The following MYT1L variants were observed in gnomAD, a reference collection of about 807,000 sequenced individuals.
MYT1L encodes the protein myelin transcription factor 1-like protein.
MYT1L carries 12 observed loss-of-function variants against 126.7 expected under a neutral mutation model. The ratio of observed to expected loss-of-function variants is 0.09; its 90% CI spans 0.06 to 0.15. The LOEUF (loss-of-function observed/expected upper bound fraction) is 0.15, where lower values mean the gene tolerates loss of function less well. Among genes scored for constraint, MYT1L ranks in the 10% least tolerant of loss-of-function variants. The pLI is 1.00. For missense variants in MYT1L, 979 were observed against 1,585.2 expected, an observed-to-expected ratio of 0.62 and a Z score of 6.49; for synonymous variants, 541 against 604.2, an observed-to-expected ratio of 0.90 and a Z score of 1.53.
chr2:2,306,811 A>G (rs1299241870), intron 1 of MYT1L, among the ~76,000 whole-genome samples: 1 of 152,204 alleles, frequency 6.6e-6, no homozygotes, highest in Admixed American at 6.5e-5. Context: ...AACATTTCTG[A>G]TAGGAATATA....
At chr2:2,039,453 A>G (rs1430339483) in intron 4 of MYT1L, among the ~76,000 whole-genome samples, 1 of 152,140 alleles carries the variant, frequency 6.6e-6, no homozygotes, top group East Asian at 1.9e-4. Context: ...CTATGGACAA[A>G]TCTTCAGTTC....
intron 3 of MYT1L, among the ~76,000 whole-genome samples, chr2:2,160,288 T>C (rs1216154532): frequency 1.3e-5 from 2 of 152,220 alleles, no homozygotes; most frequent in Admixed American, 6.5e-5. Context: ...ATTTTTAGTG[T>C]TGGTATTTCT....
chr2:1,956,754 TATA>T (rs1274538399), intron 8 of MYT1L, among the ~76,000 whole-genome samples: 2 of 152,116 alleles, frequency 1.3e-5, no homozygotes, highest in Admixed American at 6.5e-5. Flanking sequence ...TGACAAGAGA[TATA>T]ATATTTTCTT....
intron 2 of MYT1L, among the ~76,000 whole-genome samples, chr2:2,235,738 G>A (rs995132395): frequency 1.3e-5 from 2 of 152,074 alleles, no homozygotes; most frequent in Non-Finnish European, 1.5e-5. Context: ...TACTAACTCC[G>A]GCTGACTGGC....
Position 2,138,382 on chromosome 2 carries a change from G to T in MYT1L, c.-304+34490C>A, listed in dbSNP as rs577068007. Reference sequence around the variant, plus strand: ...GGACTATAAATCATGCTGCTATAAAGACACATGCACACGTATGTTTATTGC... The same window carrying T: ...GGACTATAAATCATGCTGCTATAAATACACATGCACACGTATGTTTATTGC... On this transcript the variant is annotated intron_variant, in intron 3 of 24. Transcript: ENST00000647738. 4.6e-3 allele frequency among the ~76,000 whole-genome samples: 662 copies of T among 142,490 alleles called. 1 individual carries two copies. The highest frequency in any genetic ancestry group is 0.017 in the African/African-American group (629 of 37,830). 93.5% of individuals were successfully genotyped at this position (142,490 alleles called of 152,430 possible). A position where few individuals can be genotyped will look rare whatever the true frequency, so the allele number is the denominator to read the frequency against.
At chr2:2,085,426 C>T (rs1447551835) in intron 3 of MYT1L, among the ~76,000 whole-genome samples, 1 of 152,150 alleles carries the variant, frequency 6.6e-6, no homozygotes, top group African/African-American at 2.4e-5. Context: ...TCTTGTTCAA[C>T]TCGTAAGACT....
intron 2 of MYT1L, among the ~76,000 whole-genome samples, chr2:2,277,448 G>A (rs2095379965): frequency 6.6e-6 from 1 of 152,222 alleles, no homozygotes; most frequent in African/African-American, 2.4e-5. Flanking sequence ...GTCCCATACG[G>A]GAGGAAAGGG....
intron 1 of MYT1L, among the ~76,000 whole-genome samples, chr2:2,293,076 C>T (rs1392706400): frequency 1.3e-5 from 2 of 152,170 alleles, no homozygotes; most frequent in African/African-American, 4.8e-5. Flanking sequence ...GGATCTGGGG[C>T]CAAGACAGCC....
chr2:2,038,421 C>G (rs547674154), intron 4 of MYT1L, among the ~76,000 whole-genome samples: 1 of 152,078 alleles, frequency 6.6e-6, no homozygotes, highest in Admixed American at 6.5e-5. Flanking sequence ...GCTTGGATTC[C>G]CCTGACTTCT....
At chr2:1,948,012 T>C (rs2057395286) in intron 8 of MYT1L, among the ~76,000 whole-genome samples, 1 of 152,234 alleles carries the variant, frequency 6.6e-6, no homozygotes, top group South Asian at 2.1e-4. Context: ...TGGGCCTTAG[T>C]TTACCTATCG....
intron 4 of MYT1L, among the ~76,000 whole-genome samples, chr2:2,049,726 A>G (rs1265810831): frequency 6.6e-6 from 1 of 152,148 alleles, no homozygotes; most frequent in Non-Finnish European, 1.5e-5. Flanking sequence ...GTAGTGAATA[A>G]GTCTCATGAG....
chr2:2,167,942 T>A (rs563971906), intron 3 of MYT1L, among the ~76,000 whole-genome samples: 1 of 152,340 alleles, frequency 6.6e-6, no homozygotes, highest in African/African-American at 2.4e-5. Flanking sequence ...TATAAATGCA[T>A]AGGTTGTGTG....
intron 13 of MYT1L, among the ~76,000 whole-genome samples, chr2:1,906,558 A>T (rs1277324243): frequency 6.6e-6 from 1 of 152,206 alleles, no homozygotes; most frequent in Non-Finnish European, 1.5e-5. Flanking sequence ...TTATAGCAGT[A>T]TTGGATATAT....
At chr2:2,028,144 A>G (rs2065839401) in intron 4 of MYT1L, among the ~76,000 whole-genome samples, 1 of 152,252 alleles carries the variant, frequency 6.6e-6, no homozygotes. Flanking sequence ...CACAGAGCAG[A>G]TGCTGGAAGA....
intron 18 of MYT1L, among the ~76,000 whole-genome samples, chr2:1,860,995 ACAC>A (rs1337332900): frequency 2.6e-5 from 4 of 151,976 alleles, no homozygotes; most frequent in African/African-American, 4.8e-5. Flanking sequence ...TCACACACAC[ACAC>A]ACTTGTGCAC....
In MYT1L at chr2:1,870,476, G is replaced by A. The variant is rs576634007; in HGVS notation, c.2711+16063C>T. On this transcript the variant is annotated intron_variant, in intron 18 of 24. Transcript: ENST00000647738. ...AGGGTTGAGGTGGCCATAGAGGGTC[G>A]GTCTGCTGGCACTAGGAGCTTGTGG... Among the ~76,000 whole-genome samples, 199 of 152,256 alleles carry A rather than the reference G, an allele frequency of 1.3e-3. 2 individuals are homozygous for A. Among genetic ancestry groups the A allele is most frequent in the Non-Finnish European group, 1.5e-3 (104 of 67,998 alleles).
chr2:2,244,008 A>G (rs2094485834), intron 2 of MYT1L, among the ~76,000 whole-genome samples: 1 of 152,230 alleles, frequency 6.6e-6, no homozygotes, highest in African/African-American at 2.4e-5. Context: ...ACACATCCAA[A>G]AGGCAATTAA....
chr2:1,822,028 T>A (rs1168745110), intron 21 of MYT1L, among the ~76,000 whole-genome samples: 3 of 152,202 alleles, frequency 2.0e-5, no homozygotes, highest in Admixed American at 1.3e-4. Flanking sequence ...GAATCCCCAC[T>A]CTAGGTCCCA....
chr2:2,289,741 G>T (rs2095571612), intron 1 of MYT1L, among the ~76,000 whole-genome samples: 1 of 152,214 alleles, frequency 6.6e-6, no homozygotes, highest in African/African-American at 2.4e-5. Flanking sequence ...TGAGAGCATG[G>T]CTGATACTTT....
Sources: gnomAD v4.1 joint callset for allele counts (sites outside exome capture counted in the v4.1 genomes callset) on GRCh38, gnomAD v4.1.1 for gene constraint, MANE v1.5 for transcripts, NCBI Gene and HGNC (gene_info 2026-07-23, HGNC 2026-07-21) for gene names.